ST3GAL2: variants seen among roughly 807,000 people sequenced by gnomAD.
ST3GAL2 encodes ST3 beta-galactoside alpha-2,3-sialyltransferase 2.
A neutral mutation model predicts 37.5 loss-of-function variants in ST3GAL2; 16 were observed. That is an observed-to-expected ratio of 0.43 (90% CI 0.29 to 0.65). The LOEUF is 0.65. Ranked by LOEUF, ST3GAL2 falls within the 30% of genes least tolerant of loss-of-function variation. ST3GAL2 has a pLI of 0.17. For missense variants in ST3GAL2, 383 were observed against 487.8 expected, an observed-to-expected ratio of 0.79 and a Z score of 2.02; for synonymous variants, 238 against 202.9, an observed-to-expected ratio of 1.17 and a Z score of -1.47.
In ST3GAL2 at chr16:70,381,396, G is replaced by A. The variant is rs774079288; in HGVS notation, c.*293C>T. ...AAACCCTAACCCAAAGCATGAGGGAGTGGGGATTGAGCGGCCGCTGGCCCG... is the reference window on the plus strand; with the variant it reads ...AAACCCTAACCCAAAGCATGAGGGAATGGGGATTGAGCGGCCGCTGGCCCG... On this transcript the variant is annotated 3_prime_UTR_variant, in exon 7 of 7. Coordinates refer to ENST00000342907, the MANE Select transcript of ST3GAL2 (RefSeq NM_006927.4). The A allele has an allele frequency of 4.2e-5, 17 of 406,946 alleles. No homozygotes were observed. The highest frequency in any genetic ancestry group is 6.7e-5 in the Non-Finnish European group (15 of 222,758). The allele number at this position is 406,946 out of a possible 1,614,324, so 25.2% of individuals were successfully genotyped here. A position where few individuals can be genotyped will look rare whatever the true frequency, so the allele number is the denominator to read the frequency against.
At chr16:70,413,811 G>C (rs1255170508) in intron 1 of ST3GAL2, among the ~76,000 whole-genome samples, 2 of 151,498 alleles carry the variant, frequency 1.3e-5, no homozygotes, top group Non-Finnish European at 2.9e-5. Flanking sequence ...CCAGGAAATG[G>C]TAACAACTTT....
intron 1 of ST3GAL2, among the ~76,000 whole-genome samples, chr16:70,424,047 G>C (rs2047733837): frequency 6.6e-6 from 1 of 151,568 alleles, no homozygotes; most frequent in Non-Finnish European, 1.5e-5. Context: ...GACAGAGTGA[G>C]ACTTCGTCTC....
At chr16:70,420,617 A>G (rs1007212200) in intron 1 of ST3GAL2, among the ~76,000 whole-genome samples, 3 of 152,232 alleles carry the variant, frequency 2.0e-5, no homozygotes, top group Admixed American at 6.5e-5. Context: ...AAGGGGAATA[A>G]CAGGGCAGGG....
At chr16:70,384,008 C>T (rs1413798544) in intron 4 of ST3GAL2, among the ~76,000 whole-genome samples, 1 of 152,054 alleles carries the variant, frequency 6.6e-6, no homozygotes, top group Non-Finnish European at 1.5e-5. Context: ...GCTTCCCAGA[C>T]CACACCTCCC....
intron 3 of ST3GAL2, among the ~76,000 whole-genome samples, chr16:70,389,939 A>G (rs2047471590): frequency 6.6e-6 from 1 of 151,642 alleles, no homozygotes; most frequent in African/African-American, 2.4e-5. Flanking sequence ...GGCGCCCGCC[A>G]TCACGCCCGG....
At chr16:70,426,388 C>T (rs530230196) in intron 1 of ST3GAL2, among the ~76,000 whole-genome samples, 14 of 151,660 alleles carry the variant, frequency 9.2e-5, no homozygotes, top group Non-Finnish European at 7.4e-5. Context: ...TTCGTAGACA[C>T]GGGGTTTCAC....
chr16:70,388,323 TG>T lies in ST3GAL2; in HGVS notation c.713+43del, dbSNP rs764071772. 1.2e-5 allele frequency: 19 copies of T among 1,612,100 alleles called. No individual in the cohort carries two copies. The African/African-American group carries it at 2.4e-4, about 20-fold the overall frequency. On this transcript the variant is annotated intron_variant, in intron 4 of 6. Transcript: ENST00000342907. ...GGCCCCTAGAAGACTCTGCCCAAGA[TG>T]GTCCTGTCACCCATATTCTACCCAG...
At chr16:70,415,742 C>T (rs1368989343) in intron 1 of ST3GAL2, among the ~76,000 whole-genome samples, 4 of 148,726 alleles carry the variant, frequency 2.7e-5, no homozygotes, top group Non-Finnish European at 1.5e-5. Flanking sequence ...GTTGATCCAC[C>T]GTGCCCAGCT....
chr16:70,384,013 C>T (rs887514104), intron 4 of ST3GAL2, among the ~76,000 whole-genome samples: 6 of 152,066 alleles, frequency 3.9e-5, no homozygotes, highest in African/African-American at 1.4e-4. Context: ...CCAGACCACA[C>T]CTCCCTGTAG....
At chr16:70,411,863 G>A (rs547095563) in intron 1 of ST3GAL2, among the ~76,000 whole-genome samples, 6 of 151,860 alleles carry the variant, frequency 4.0e-5, no homozygotes, top group Non-Finnish European at 7.4e-5. Flanking sequence ...GTGTGGTGGC[G>A]GATGTCTGTA....
At chr16:70,385,952 C>G (rs2047440006) in intron 4 of ST3GAL2, among the ~76,000 whole-genome samples, 1 of 151,992 alleles carries the variant, frequency 6.6e-6, no homozygotes. Flanking sequence ...AACAATCTAC[C>G]CTCCTTGGCC....
Position 70,402,919 on chromosome 16 carries a change from G to A in ST3GAL2, c.-1003-3386C>T, listed in dbSNP as rs1178838449. On this transcript the variant is annotated intron_variant, in intron 1 of 6. Transcript: ENST00000342907. ...ACCCGCCTCAGCCTCCCAAAGTGCTGGGATTACAGGCATGAGCCACTGCGC... is the reference window on the plus strand; with the variant it reads ...ACCCGCCTCAGCCTCCCAAAGTGCTAGGATTACAGGCATGAGCCACTGCGC... Among the ~76,000 whole-genome samples, 4 of 152,276 alleles carry A rather than the reference G, an allele frequency of 2.6e-5. No individual in the cohort carries two copies. In the East Asian group the frequency reaches 5.8e-4, roughly 22 times the overall value.
chr16:70,436,348 G>A lies in ST3GAL2; in HGVS notation c.-1004+2601C>T, dbSNP rs151212148. ...CACCCCAGGAAGGGGTGGCCAACAA[G>A]GCCGAGACAAGAGAATTGCTTGAAC... On this transcript the variant is annotated intron_variant, in intron 1 of 6. Transcript: ENST00000342907. 4.9e-3 allele frequency among the ~76,000 whole-genome samples: 743 copies of A among 151,596 alleles called. 7 individuals carry two copies. The highest frequency in any genetic ancestry group is 0.017 in the African/African-American group (715 of 41,286).
intron 1 of ST3GAL2, 103 bp downstream of exon 1, chr16:70,438,846 G>A (rs1321090590): frequency 1.3e-5 from 2 of 152,250 alleles, no homozygotes; most frequent in African/African-American, 4.8e-5. Context: ...GAACGGGCCG[G>A]TCTGGGCCGC....
chr16:70,427,771 T>G (rs1456566631), intron 1 of ST3GAL2, among the ~76,000 whole-genome samples: 1 of 152,178 alleles, frequency 6.6e-6, no homozygotes, highest in Admixed American at 6.6e-5. Context: ...TCTCAACTAA[T>G]TTTTACCACT....
chr16:70,425,356 G>A (rs1335528294), intron 1 of ST3GAL2, among the ~76,000 whole-genome samples: 2 of 152,166 alleles, frequency 1.3e-5, no homozygotes, highest in Non-Finnish European at 2.9e-5. Context: ...CAGCTACTCA[G>A]GAGGCTGAGG....
In ST3GAL2 at chr16:70,439,022, TCGCCGCCGC is replaced by T. The variant is rs567688682; in HGVS notation, c.-1086_-1078del. 4.2e-4 allele frequency: 66 copies of T among 157,434 alleles called. No homozygotes were observed. Among genetic ancestry groups the T allele is most frequent in the East Asian group, 1.3e-3 (7 of 5,256 alleles). The allele number at this position is 157,434 out of a possible 1,614,324, so 9.8% of individuals were successfully genotyped here. A position where few individuals can be genotyped will look rare whatever the true frequency, so the allele number is the denominator to read the frequency against. On this transcript the variant is annotated 5_prime_UTR_variant, in exon 1 of 7. Transcript: ENST00000342907. ...CCGCCGCCGCCCGCGCAGAAAGCCG[TCGCCGCCGC>T]CGCCGCCGCCGCCGCCGTCGTCCGG... is the stretch of plus-strand genomic sequence containing the variant.
Position 70,380,974 on chromosome 16 carries a change from G to C in ST3GAL2, c.*715C>G, listed in dbSNP as rs2047397573. On this transcript the variant is annotated 3_prime_UTR_variant, in exon 7 of 7. Transcript: ENST00000342907. The stretch of plus-strand genomic sequence containing the variant: ...ACGGGAGGGTCGAGGGCACACGTGA[G>C]TGACAGCACCTTGCACTGAAGGGGA... The C allele has an allele frequency of 6.5e-6, 1 of 152,850 alleles. No homozygotes were observed. The allele number at this position is 152,850 out of a possible 1,614,324, so 9.5% of individuals were successfully genotyped here.
intron 5 of ST3GAL2, 22 bp downstream of exon 5, chr16:70,383,168 G>A (rs1490073791): frequency 5.6e-6 from 9 of 1,612,684 alleles, no homozygotes; most frequent in Non-Finnish European, 7.6e-6. Context: ...CCACTGAGGT[G>A]GGGAAGAAGT....
Sources: allele counts gnomAD v4.1 joint callset (sites outside exome capture counted in the v4.1 genomes callset), GRCh38; gene constraint gnomAD v4.1.1; transcripts MANE v1.5; gene names NCBI Gene and HGNC (gene_info 2026-07-23, HGNC 2026-07-21).